PRKN: variants seen among roughly 807,000 people sequenced by gnomAD.
PRKN encodes the protein parkin RBR E3 ubiquitin protein ligase, also known as E3 ubiquitin-protein ligase parkin.
A neutral mutation model predicts 59.5 loss-of-function variants in PRKN; 56 were observed. The ratio of observed to expected loss-of-function variants is 0.94; its 90% CI spans 0.76 to 1.18. The LOEUF is 1.18. Ranked by LOEUF, PRKN falls within the 50% of genes most tolerant of loss-of-function variation. The pLI, the probability that PRKN is intolerant of heterozygous loss-of-function variation, is 0.00. For synonymous variants in PRKN, 250 were observed against 222.1 expected, an observed-to-expected ratio of 1.13 and a Z score of -1.12; for missense variants, 657 against 596.4, an observed-to-expected ratio of 1.10 and a Z score of -1.06.
chr6:162,249,884 G>A (rs147169223), intron 3 of PRKN, among the ~76,000 whole-genome samples: 39 of 152,122 alleles, frequency 2.6e-4, no homozygotes, highest in African/African-American at 7.9e-4. Context: ...AGTGTTTAAC[G>A]CCTGTAATCC....
chr6:161,797,568 C>T lies in PRKN; in HGVS notation c.735-11660G>A, dbSNP rs184876293. ...GGCAAGAGCTACTGTGCCCAGTGGG[C>T]CTTTTATTTCTTTTATTAGAGGAAT... On this transcript the variant is annotated intron_variant, in intron 6 of 11. Transcript: ENST00000366898. Among the ~76,000 whole-genome samples, 205 of 152,152 alleles carry T rather than the reference C, an allele frequency of 1.3e-3. 1 individual carries two copies. The highest frequency in any genetic ancestry group is 2.1e-3 in the Non-Finnish European group (144 of 67,998).
chr6:162,621,197 A>G (rs1782649901), intron 1 of PRKN, among the ~76,000 whole-genome samples: 1 of 152,158 alleles, frequency 6.6e-6, no homozygotes, highest in Non-Finnish European at 1.5e-5. Flanking sequence ...ATTTGTGCCT[A>G]GCTTTGGAAG....
chr6:162,515,233 C>A (rs186797248), intron 1 of PRKN, among the ~76,000 whole-genome samples: 1 of 152,144 alleles, frequency 6.6e-6, no homozygotes, highest in East Asian at 1.9e-4. Context: ...CAAGCATGCA[C>A]TACCACGCCC....
At chr6:161,504,658 A>C (rs980368770) in intron 9 of PRKN, among the ~76,000 whole-genome samples, 2 of 144,282 alleles carry the variant, frequency 1.4e-5, no homozygotes, top group East Asian at 2.2e-4. Flanking sequence ...ATATCTCCCA[A>C]TGCTATCCCT....
In PRKN at chr6:161,359,085, C is replaced by G. The variant is rs182266844; in HGVS notation, c.1285+1003G>C. On this transcript the variant is annotated intron_variant, in intron 11 of 11. Transcript: ENST00000366898. This position sits in a 1 kb window ranked among gnomAD's most constrained non-coding sequence, Gnocchi z 5.4. The stretch of plus-strand genomic sequence containing the variant: ...CTGGGATTACAGGCGTGAGCCACCG[C>G]GCCCGGCCGCCTTCTGCTCTTTATA... Among the ~76,000 whole-genome samples, 507 of 152,250 alleles carry G rather than the reference C, an allele frequency of 3.3e-3. 9 individuals carry two copies. The highest frequency in any genetic ancestry group is 0.03 in the Admixed American group (464 of 15,296).
At chr6:161,430,271 A>G (rs1241076824) in intron 9 of PRKN, among the ~76,000 whole-genome samples, 1 of 152,256 alleles carries the variant, frequency 6.6e-6, no homozygotes, top group East Asian at 1.9e-4. Context: ...AACACAGGGC[A>G]TTAATCCATC....
intron 10 of PRKN, among the ~76,000 whole-genome samples, chr6:161,366,467 C>T (rs547953863): frequency 6.6e-6 from 1 of 152,264 alleles, no homozygotes; most frequent in East Asian, 1.9e-4. Flanking sequence ...TAGGAAAAGA[C>T]CAAAATGCTG....
intron 1 of PRKN, among the ~76,000 whole-genome samples, chr6:162,549,582 T>C (rs965547900): frequency 4.0e-5 from 6 of 151,798 alleles, no homozygotes; most frequent in African/African-American, 1.2e-4. Flanking sequence ...ATTGAGTAGA[T>C]AACAGCCTAG....
intron 9 of PRKN, among the ~76,000 whole-genome samples, chr6:161,439,443 T>G (rs753946055): frequency 1.3e-5 from 2 of 152,146 alleles, no homozygotes; most frequent in Admixed American, 1.3e-4. Context: ...TAAGTACGAA[T>G]GCAAATAGGC....
chr6:161,877,890 C>A (rs543596053), intron 6 of PRKN, among the ~76,000 whole-genome samples: 4 of 152,046 alleles, frequency 2.6e-5, no homozygotes, highest in Non-Finnish European at 5.9e-5. Flanking sequence ...TAAATTCCCC[C>A]GTGTAGACAG....
At chr6:162,361,570 C>T (rs529912557) in intron 2 of PRKN, among the ~76,000 whole-genome samples, 1 of 152,202 alleles carries the variant, frequency 6.6e-6, no homozygotes, top group East Asian at 1.9e-4. Context: ...GTCTATGAGA[C>T]TTTCTTTTAT....
chr6:162,198,852 C>A (rs1431458354), intron 4 of PRKN, among the ~76,000 whole-genome samples: 4 of 152,026 alleles, frequency 2.6e-5, no homozygotes, highest in Non-Finnish European at 4.4e-5. Flanking sequence ...ATTAATGTAC[C>A]ATTTAGTCCC....
intron 4 of PRKN, among the ~76,000 whole-genome samples, chr6:162,085,345 A>G (rs1779209072): frequency 6.6e-6 from 1 of 151,940 alleles, no homozygotes; most frequent in African/African-American, 2.4e-5. Context: ...CAACTTACTA[A>G]TTTATATTAA....
At chr6:162,037,089 A>G (rs1384327248) in intron 5 of PRKN, among the ~76,000 whole-genome samples, 1 of 152,162 alleles carries the variant, frequency 6.6e-6, no homozygotes, top group Non-Finnish European at 1.5e-5. Context: ...TTTCCAGGGT[A>G]CCTTTTGGAA....
intron 3 of PRKN, among the ~76,000 whole-genome samples, chr6:162,207,139 G>A (rs981281253): frequency 6.6e-6 from 1 of 152,076 alleles, no homozygotes; most frequent in Non-Finnish European, 1.5e-5. Context: ...TTGGGAGGCC[G>A]AGGCAGGCGG....
intron 1 of PRKN, among the ~76,000 whole-genome samples, chr6:162,477,995 A>G (rs1048355985): frequency 2.6e-5 from 4 of 152,080 alleles, no homozygotes; most frequent in Non-Finnish European, 5.9e-5. Context: ...GCAGGGTCCT[A>G]AAGCGCAGGG....
At position 161,499,115 on chromosome 6, in the gene PRKN, G is replaced by GACAC. The variant is rs60226003; in HGVS notation, c.1083+49735_1083+49738dup. On this transcript the variant is annotated intron_variant, in intron 9 of 11. Transcript: ENST00000366898. The surrounding 1 kb of genome is among the most constrained non-coding windows in gnomAD (Gnocchi z 4.2). ...ACTGGTGGCTTGTGAGCAGGGTCTG[G>GACAC]ACACACACACACACACATTTTTTTT... Among the ~76,000 whole-genome samples the GACAC allele has an allele frequency of 7.6e-4, 109 of 143,106 alleles. 1 individual carries two copies. The highest frequency in any genetic ancestry group is 4.2e-4 in the Non-Finnish European group (28 of 66,002). 93.9% of individuals were successfully genotyped at this position (143,106 alleles called of 152,430 possible).
intron 4 of PRKN, among the ~76,000 whole-genome samples, chr6:162,092,714 T>A (rs530861531): frequency 6.6e-6 from 1 of 152,348 alleles, no homozygotes; most frequent in Non-Finnish European, 1.5e-5. Context: ...TTCAAAGTGA[T>A]ATAAACGAGC....
chr6:161,718,932 G>A (rs184044036), intron 7 of PRKN, among the ~76,000 whole-genome samples: 1 of 152,310 alleles, frequency 6.6e-6, no homozygotes, highest in East Asian at 1.9e-4. Flanking sequence ...CACAATTATA[G>A]ATAATCTCAT....
Sources: allele counts gnomAD v4.1 joint callset (sites outside exome capture counted in the v4.1 genomes callset), GRCh38; gene constraint gnomAD v4.1.1; non-coding constraint Gnocchi (gnomAD v3.1); transcripts MANE v1.5; gene names NCBI Gene and HGNC (gene_info 2026-07-23, HGNC 2026-07-21).